The following NDC80 variants were observed in gnomAD, a reference collection of about 807,000 sequenced individuals.
NDC80 encodes NDC80 kinetochore complex component, also known as kinetochore protein NDC80 homolog.
NDC80 carries 69 observed loss-of-function variants against 89.3 expected under a neutral mutation model. The ratio of observed to expected loss-of-function variants is 0.77; its 90% CI spans 0.64 to 0.94. NDC80 has a LOEUF of 0.94. NDC80 is among the 40% of genes least tolerant of loss of function. NDC80 has a pLI of 0.00. For synonymous variants in NDC80, 243 were observed against 255.6 expected (o/e 0.95, Z 0.47); for missense variants, 593 against 739.6 (o/e 0.80, Z 2.30).
intron 11 of NDC80, among the ~76,000 whole-genome samples, chr18:2,595,965 G>A (rs530632938): frequency 1.3e-5 from 2 of 152,156 alleles, no homozygotes; most frequent in African/African-American, 2.4e-5. Context: ...TTGAACATCC[G>A]CTGTGTGTCA....
chr18:2,595,243 G>T (rs1279127055), intron 10 of NDC80, among the ~76,000 whole-genome samples, 173 bp from the exon 11 acceptor site: 1 of 95,012 alleles, frequency 1.1e-5, no homozygotes, highest in African/African-American at 4.3e-5. Flanking sequence ...ATATATATAT[G>T]AGACTTGGAA....
At chr18:2,604,451 G>A (rs1020958527) in intron 13 of NDC80, among the ~76,000 whole-genome samples, 1 of 152,226 alleles carries the variant, frequency 6.6e-6, no homozygotes, top group Non-Finnish European at 1.5e-5. Context: ...GGGAGGCCAA[G>A]GCGGGTGGAT....
intron 16 of NDC80, chr18:2,614,571 A>AGGAAG (rs1472825297): frequency 4.3e-4 from 1 of 2,300 alleles, no homozygotes; most frequent in Non-Finnish European, 7.3e-4. Flanking sequence ...AAGGGAAAGA[A>AGGAAG]AGAAAGAAAG....
intron 2 of NDC80, among the ~76,000 whole-genome samples, chr18:2,573,569 G>A (rs2072531181): frequency 6.6e-6 from 1 of 152,166 alleles, no homozygotes; most frequent in South Asian, 2.1e-4. Context: ...GAAAGAACCT[G>A]CTGTCATAAA....
At chr18:2,609,349 A>T (rs958933065) in intron 15 of NDC80, among the ~76,000 whole-genome samples, 1 of 152,172 alleles carries the variant, frequency 6.6e-6, no homozygotes, top group Non-Finnish European at 1.5e-5. Flanking sequence ...GGGAAAACTG[A>T]TATTGAGGCA....
intron 6 of NDC80, chr18:2,582,854 A>G (rs1336256272): frequency 6.6e-6 from 1 of 152,218 alleles, no homozygotes; most frequent in Admixed American, 6.5e-5. Flanking sequence ...CTATTTCACT[A>G]TGCCTCCTTG....
At chr18:2,602,485 C>T (rs2072688674) in intron 13 of NDC80, among the ~76,000 whole-genome samples, 1 of 152,020 alleles carries the variant, frequency 6.6e-6, no homozygotes, top group African/African-American at 2.4e-5. Context: ...GGGACTGCTC[C>T]CTGGGAATGA....
intron 16 of NDC80, among the ~76,000 whole-genome samples, chr18:2,615,501 T>C (rs1480728360): frequency 3.3e-5 from 5 of 152,218 alleles, no homozygotes; most frequent in African/African-American, 1.2e-4. Context: ...ACTGGTGATT[T>C]CCTCTTCTAA....
intron 2 of NDC80, 34 bp downstream of exon 2, chr18:2,573,120 C>T (rs756438516): frequency 2.7e-6 from 4 of 1,500,848 alleles, no homozygotes; most frequent in Admixed American, 1.8e-5. Context: ...AATTTGCATG[C>T]TTTATCATCT....
At chr18:2,607,965 G>GTGTATATATATATA (rs1284761469) in intron 14 of NDC80, among the ~76,000 whole-genome samples, 1 of 68,152 alleles carries the variant, frequency 1.5e-5, no homozygotes, top group Non-Finnish European at 2.7e-5. Flanking sequence ...TATATACATA[G>GTGTATATATATATA]TATATATATA....
intron 13 of NDC80, among the ~76,000 whole-genome samples, chr18:2,604,239 A>G (rs1260604129): frequency 6.6e-6 from 1 of 152,202 alleles, no homozygotes; most frequent in East Asian, 1.9e-4. Context: ...TTCTCATAAT[A>G]CACTTAAGTA....
chr18:2,575,794 A>G (rs2143629878), intron 3 of NDC80, among the ~76,000 whole-genome samples: 1 of 152,250 alleles, frequency 6.6e-6, no homozygotes, highest in South Asian at 2.1e-4. Flanking sequence ...GGGCAGTGGC[A>G]CATGCCTGTA....
chr18:2,614,728 T>C (rs932605711), intron 16 of NDC80, among the ~76,000 whole-genome samples: 1 of 152,176 alleles, frequency 6.6e-6, no homozygotes, highest in African/African-American at 2.4e-5. Flanking sequence ...TTACACTATA[T>C]GCTAGGGGGC....
chr18:2,590,711 A>G (rs2072623415), intron 10 of NDC80, among the ~76,000 whole-genome samples: 4 of 152,236 alleles, frequency 2.6e-5, no homozygotes, highest in African/African-American at 9.6e-5. Flanking sequence ...CACAGTTTCC[A>G]GAGATAGAAC....
intron 3 of NDC80, 100 bp from the exon 4 acceptor site, chr18:2,577,646 G>C: frequency 2.4e-6 from 3 of 1,266,736 alleles, no homozygotes; most frequent in Non-Finnish European, 3.3e-6. Context: ...AGAACGTAAT[G>C]TTTGATGTTG....
In NDC80 at chr18:2,614,649, GAAAGAAAT is replaced by G. The variant is rs1203423790; in HGVS notation, c.1792-1784_1792-1777del. Among the ~76,000 whole-genome samples, 219 of 90,822 alleles carry G rather than the reference GAAAGAAAT, an allele frequency of 2.4e-3. 38 individuals are homozygous for G. Among genetic ancestry groups the G allele is most frequent in the South Asian group, 4.5e-3 (13 of 2,884 alleles). 59.6% of individuals were successfully genotyped at this position (90,822 alleles called of 152,430 possible). A position where few individuals can be genotyped will look rare whatever the true frequency, so the allele number is the denominator to read the frequency against. On this transcript the variant is annotated intron_variant, in intron 16 of 16. Coordinates refer to ENST00000261597, the MANE Select transcript of NDC80 (RefSeq NM_006101.3). ...AGAAAGAAAGAAAGAAAGAAAGAAA[GAAAGAAAT>G]AAATTTGGCAATCCGAAAAACCAAC...
At chr18:2,614,631 A>AAGAG (rs1491417874) in intron 16 of NDC80, among the ~76,000 whole-genome samples, 1 of 79,090 alleles carries the variant, frequency 1.3e-5, no homozygotes, top group Non-Finnish European at 2.4e-5. Flanking sequence ...GAAAGAAAGA[A>AAGAG]AGAAAGAAAG....
At chr18:2,600,820 CTTTATG>C (rs2072680672) in intron 12 of NDC80, among the ~76,000 whole-genome samples, 1 of 152,122 alleles carries the variant, frequency 6.6e-6, no homozygotes, top group African/African-American at 2.4e-5. Context: ...TTATGTTAAA[CTTTATG>C]TTTATTTTAT....
chr18:2,581,522 G>C (rs2072578038), intron 6 of NDC80, among the ~76,000 whole-genome samples: 1 of 152,182 alleles, frequency 6.6e-6, no homozygotes, highest in Non-Finnish European at 1.5e-5. Context: ...TATTAGCCGG[G>C]TGTGATGGTG....
Sources: allele counts gnomAD v4.1 joint callset (sites outside exome capture counted in the v4.1 genomes callset), GRCh38; gene constraint gnomAD v4.1.1; transcripts MANE v1.5; gene names NCBI Gene and HGNC (gene_info 2026-07-23, HGNC 2026-07-21).